CEP78: variants seen among roughly 807,000 people sequenced by gnomAD.
The protein encoded by CEP78 is centrosomal protein 78, also known as centrosomal protein of 78 kDa.
CEP78 carries 76 observed loss-of-function variants against 81.2 expected under a neutral mutation model. That is an observed-to-expected ratio of 0.94 (90% confidence interval 0.78 to 1.13). CEP78 has a LOEUF of 1.13. CEP78 is among the 50% of genes most tolerant of loss of function. The pLI is 0.00. For synonymous variants in CEP78, 293 were observed against 301.4 expected, an observed-to-expected ratio of 0.97 and a Z score of 0.29; for missense variants, 918 against 846.8, an observed-to-expected ratio of 1.08 and a Z score of -1.04.
Position 78,236,621 on chromosome 9 carries a change from C to T in CEP78, c.253+18C>T. The T allele has an allele frequency of 6.6e-7, 1 of 1,519,174 alleles. No individual in the cohort carries two copies. Among genetic ancestry groups the T allele is most frequent in the Non-Finnish European group, 8.8e-7 (1 of 1,135,314 alleles). The allele number at this position is 1,519,174 out of a possible 1,614,324, so 94.1% of individuals were successfully genotyped here. A position where few individuals can be genotyped will look rare whatever the true frequency, so the allele number is the denominator to read the frequency against. The stretch of plus-strand genomic sequence containing the variant: ...GGACACAGGTTTGTAGTTCCCGCCT[C>T]CAGGGCCCCTCAGTCGGTGCGGCGA... On this transcript the variant is annotated intron_variant, in intron 1 of 16. Transcript: ENST00000643273.
Position 78,275,998 on chromosome 9 carries a change from C to G in CEP78, c.*5147C>G, listed in dbSNP as rs908446586. The stretch of plus-strand genomic sequence containing the variant: ...GGGGCACATTTATTTGTAAACCATT[C>G]CAGAGGATAGAAAAGAGATGTAAGG... On this transcript the variant is annotated 3_prime_UTR_variant, in exon 17 of 17. Coordinates refer to ENST00000643273, the MANE Select transcript of CEP78 (RefSeq NM_001330691.3). 1.3e-5 allele frequency: 2 copies of G among 152,124 alleles called. No individual in the cohort carries two copies. Among genetic ancestry groups the G allele is most frequent in the Non-Finnish European group, 2.9e-5 (2 of 68,068 alleles). 9.4% of individuals were successfully genotyped at this position (152,124 alleles called of 1,614,324 possible). A position where few individuals can be genotyped will look rare whatever the true frequency, so the allele number is the denominator to read the frequency against.
At chr9:78,259,944 A>G (rs970262383) in intron 11 of CEP78, among the ~76,000 whole-genome samples, 2 of 152,248 alleles carry the variant, frequency 1.3e-5, no homozygotes, top group Admixed American at 6.5e-5. Flanking sequence ...TTTAACACAC[A>G]CATAAATCTT....
At chr9:78,238,914 G>A (rs751069570) in intron 1 of CEP78, among the ~76,000 whole-genome samples, 5 of 151,784 alleles carry the variant, frequency 3.3e-5, no homozygotes, top group African/African-American at 7.3e-5. Flanking sequence ...TCTTGAGCCC[G>A]GGAGGTTGAG....
At chr9:78,236,633 A>T (rs1338659071) in intron 1 of CEP78, 30 bp downstream of exon 1, 2 of 1,515,730 alleles carry the variant, frequency 1.3e-6, no homozygotes, top group African/African-American at 1.4e-5. Context: ...AGGGCCCCTC[A>T]GTCGGTGCGG....
At position 78,241,833 on chromosome 9, in the gene CEP78, T is replaced by G. The variant is rs948743121; in HGVS notation, c.603+34T>G. On this transcript the variant is annotated intron_variant, in intron 4 of 16. Transcript: ENST00000643273. Reference sequence around the variant, plus strand: ...ATGTTCCAACTTTCATGAAAATGTGTTATATGATTGCCACACGTTAATATT... The same window carrying G: ...ATGTTCCAACTTTCATGAAAATGTGGTATATGATTGCCACACGTTAATATT... 2.6e-6 allele frequency: 3 copies of G among 1,151,584 alleles called. No individual in the cohort carries two copies. In the African/African-American group the frequency reaches 4.6e-5, roughly 18 times the overall value. 71.3% of individuals were successfully genotyped at this position (1,151,584 alleles called of 1,614,324 possible). A position where few individuals can be genotyped will look rare whatever the true frequency, so the allele number is the denominator to read the frequency against.
intron 4 of CEP78, among the ~76,000 whole-genome samples, chr9:78,242,152 G>A (rs1389660259): frequency 6.6e-6 from 1 of 152,062 alleles, no homozygotes; most frequent in African/African-American, 2.4e-5. Context: ...TAATTTGATG[G>A]TGTAGATCGG....
chr9:78,240,593 G>C (rs1563977000), intron 3 of CEP78, among the ~76,000 whole-genome samples: 1 of 152,238 alleles, frequency 6.6e-6, no homozygotes, highest in East Asian at 1.9e-4. Flanking sequence ...TATACCATCT[G>C]GTATTCTCTG....
intron 16 of CEP78, 31 bp downstream of exon 16, chr9:78,266,734 A>T (rs759588189): frequency 6.2e-7 from 1 of 1,610,194 alleles, no homozygotes; most frequent in South Asian, 1.1e-5. Context: ...TCTGATAAGC[A>T]ACACCCTGGA....
rs773612734 is a variant in CEP78 at position 78,248,279 on chromosome 9, A to G, written c.893-12A>G. On this transcript the variant is annotated splice_polypyrimidine_tract_variant and intron_variant, in intron 6 of 16. Transcript: ENST00000643273. ...AATAATTACTATAATTTCAATTTTT[A>G]TTTTACTTTAGATCATTCTATGATG... is the stretch of plus-strand genomic sequence containing the variant. The G allele has an allele frequency of 6.9e-7, 1 of 1,456,264 alleles. No individual in the cohort carries two copies. The highest frequency in any genetic ancestry group is 9.6e-7 in the Non-Finnish European group (1 of 1,041,772). The allele number at this position is 1,456,264 out of a possible 1,614,324, so 90.2% of individuals were successfully genotyped here.
intron 11 of CEP78, among the ~76,000 whole-genome samples, chr9:78,262,284 C>A (rs1827311579): frequency 6.8e-6 from 1 of 147,750 alleles, no homozygotes; most frequent in African/African-American, 2.5e-5. Flanking sequence ...GTAGATAAAT[C>A]TTTGTCCACA....
rs186712872 is a variant in CEP78 at position 78,243,568 on chromosome 9, A to G, written c.710A>G (p.Asn237Ser). 147 of 1,613,892 alleles carry G rather than the reference A, an allele frequency of 9.1e-5. 1 individual carries two copies. The East Asian group carries it at 2.1e-3, about 23-fold the overall frequency. The stretch of plus-strand genomic sequence containing the variant: ...TTAAGACGTATCACACTGAATTGCA[A>G]CACACTTATTGGTGACCTAGGTGCA... ...AGLRRITLNCNTLIGDLGACA... is the reference protein window; with the variant it reads ...AGLRRITLNCSTLIGDLGACA... The change falls in exon 5 of 17, where the codon AAC becomes AGC. Residue 237 changes from asparagine to serine, a missense_variant. Physicochemically the swap from Asn to Ser is conservative, Grantham distance 46. Coordinates refer to ENST00000643273, the MANE Select transcript of CEP78 (RefSeq NM_001330691.3).
intron 16 of CEP78, chr9:78,267,231 T>G (rs980924550): frequency 2.9e-6 from 1 of 341,010 alleles, no homozygotes; most frequent in African/African-American, 2.2e-5. Flanking sequence ...AATATCATTC[T>G]GGGTGCTATG....
intron 1 of CEP78, among the ~76,000 whole-genome samples, chr9:78,238,722 G>A (rs971933614): frequency 4.6e-5 from 7 of 152,168 alleles, no homozygotes; most frequent in Non-Finnish European, 1.0e-4. Flanking sequence ...TGCAGGAACT[G>A]TTCTGTACCT....
chr9:78,246,817 A>G, intron 6 of CEP78, 35 bp downstream of exon 6: 1 of 1,196,498 alleles, frequency 8.4e-7, no homozygotes, highest in Non-Finnish European at 1.2e-6. Flanking sequence ...TGACTAACAA[A>G]TAGCAAAAGA....
intron 8 of CEP78, chr9:78,249,620 T>C (rs1052187273): frequency 3.3e-5 from 5 of 152,150 alleles, no homozygotes; most frequent in Admixed American, 6.5e-5. Flanking sequence ...TACATAAATT[T>C]GGTATAATCT....
chr9:78,237,761 T>C (rs979990451), intron 1 of CEP78, among the ~76,000 whole-genome samples: 2 of 151,818 alleles, frequency 1.3e-5, no homozygotes, highest in African/African-American at 2.4e-5. Flanking sequence ...CAAATTAAAA[T>C]TGGAAGGATG....
rs1394450861 is a variant in CEP78, at chr9:78,271,897, C to A, written c.*1046C>A. 1.3e-5 allele frequency: 2 copies of A among 150,230 alleles called. No homozygotes were observed. Among genetic ancestry groups the A allele is most frequent in the Non-Finnish European group, 2.9e-5 (2 of 67,910 alleles). The allele number at this position is 150,230 out of a possible 1,614,324, so 9.3% of individuals were successfully genotyped here. A position where few individuals can be genotyped will look rare whatever the true frequency, so the allele number is the denominator to read the frequency against. On this transcript the variant is annotated 3_prime_UTR_variant, in exon 17 of 17. Coordinates refer to ENST00000643273, the MANE Select transcript of CEP78 (RefSeq NM_001330691.3). ...TAGAGTTGGGTTCTTTCTTTCTTTTCTTTTTTTCTTTTTTTCTTTTTTTTT... is the reference window on the plus strand; with the variant it reads ...TAGAGTTGGGTTCTTTCTTTCTTTTATTTTTTTCTTTTTTTCTTTTTTTTT...
In CEP78 at chr9:78,236,101, C is replaced by CT. The variant is rs1452897622; in HGVS notation, c.-249dup. 1.9e-6 allele frequency: 1 copy of CT among 522,548 alleles called. No homozygotes were observed. The highest frequency in any genetic ancestry group is 3.9e-5 in the Admixed American group (1 of 25,966). The allele number at this position is 522,548 out of a possible 1,614,324, so 32.4% of individuals were successfully genotyped here. On this transcript the variant is annotated 5_prime_UTR_variant, in exon 1 of 17. Transcript: ENST00000643273. ...GCTTGAATCCCGGCGCCTCAGAGGA[C>CT]TATGAGGCGGGCGCCAACTGCTTGG...
At chr9:78,255,045 T>A (rs994025599) in intron 11 of CEP78, 81 bp downstream of exon 11, 2 of 1,171,146 alleles carry the variant, frequency 1.7e-6, no homozygotes, top group Non-Finnish European at 2.4e-6. Flanking sequence ...GATTATGAAC[T>A]GGACAGCTTG....
Sources: gnomAD v4.1 joint callset for allele counts (sites outside exome capture counted in the v4.1 genomes callset) on GRCh38, gnomAD v4.1.1 for gene constraint, MANE v1.5 for transcripts, NCBI Gene and HGNC (gene_info 2026-07-23, HGNC 2026-07-21) for gene names.